The following CABLES2 variants were observed in gnomAD, a reference collection of about 807,000 sequenced individuals.
CABLES2 encodes the protein CDK5 and ABL1 enzyme substrate 2.
CABLES2 carries 35 observed loss-of-function variants against 44.8 expected under a neutral mutation model. That is an observed-to-expected ratio of 0.78 (90% confidence interval 0.60 to 1.04). The LOEUF (loss-of-function observed/expected upper bound fraction) is 1.04. CABLES2 is among the 50% of genes least tolerant of loss of function. The pLI is 0.00. For synonymous variants in CABLES2, 282 were observed against 281.1 expected (o/e 1.00, Z -0.03); for missense variants, 566 against 615.7 (o/e 0.92, Z 0.85).
Position 62,392,451 on chromosome 20 carries a change from G to A in CABLES2, c.1029C>T (p.Asp343=), listed in dbSNP as rs371923026. The A allele has an allele frequency of 5.6e-6, 9 of 1,614,108 alleles. No homozygotes were observed. The highest frequency in any genetic ancestry group is 7.6e-6 in the Non-Finnish European group (9 of 1,179,986). Residue 343 remains aspartate (D), a synonymous_variant, in exon 8 of 10, where the codon GAC becomes GAT. Transcript: ENST00000279101. The part of the protein sequence containing the change: ...EYVKPSDLKK[D]MNETFREKFP... ...ACTTCTCCCTGAAGGTCTCGTTCAT[G>A]TCCTTTTTGAGGTCTGAGGGCTTCA...
intron 1 of CABLES2, among the ~76,000 whole-genome samples, chr20:62,398,243 A>G (rs1466416920): frequency 3.2e-4 from 17 of 53,556 alleles, no homozygotes; most frequent in East Asian, 1.2e-3. Context: ...GGTGGTGATG[A>G]TGGTGATGGT....
intron 1 of CABLES2, among the ~76,000 whole-genome samples, chr20:62,401,392 C>T (rs1483924526): frequency 6.6e-6 from 1 of 152,184 alleles, no homozygotes; most frequent in African/African-American, 2.4e-5. Flanking sequence ...CACGCATCAC[C>T]GCAGCAGGGC....
At chr20:62,397,826 G>C (rs1434483841) in intron 1 of CABLES2, among the ~76,000 whole-genome samples, 1 of 152,240 alleles carries the variant, frequency 6.6e-6, no homozygotes, top group African/African-American at 2.4e-5. Flanking sequence ...GGCGTGGCAC[G>C]TCTGAGGATC....
intron 1 of CABLES2, among the ~76,000 whole-genome samples, chr20:62,398,100 GTGGTGATGGTGGTGGTGGTGGTGGTTA>G (rs1988089139): frequency 7.2e-6 from 1 of 139,526 alleles, no homozygotes; most frequent in Non-Finnish European, 1.6e-5. Flanking sequence ...GGTGGTGGTG[GTGGTGATGGTGGTGGTGGTGGTGGTTA>G]TGACGGTGGT....
At position 62,391,212 on chromosome 20, in the gene CABLES2, GA is replaced by G; in HGVS notation, c.1296+36del. 1.2e-6 allele frequency: 2 copies of G among 1,602,984 alleles called. No individual in the cohort carries two copies. Among genetic ancestry groups the G allele is most frequent in the Non-Finnish European group, 1.7e-6 (2 of 1,172,776 alleles). On this transcript the variant is annotated intron_variant, in intron 9 of 9. Transcript: ENST00000279101. The surrounding 1 kb of genome is among the most constrained non-coding windows in gnomAD (Gnocchi z 5.7). The stretch of plus-strand genomic sequence containing the variant: ...AGCAGTGGCCCTGGCTCGATGTCAT[GA>G]CCCTGCCTGCAGTGCCTGCCGAGCC...
At position 62,391,243 on chromosome 20, in the gene CABLES2, A is replaced by G. The variant is rs1987910667; in HGVS notation, c.1296+6T>C. On this transcript the variant is annotated splice_donor_region_variant and intron_variant, in intron 9 of 9. Coordinates refer to ENST00000279101, the MANE Select transcript of CABLES2 (RefSeq NM_031215.3). This position sits in a 1 kb window ranked among gnomAD's most constrained non-coding sequence, Gnocchi z 5.7. ...GCCTGCAGTGCCTGCCGAGCCGGGC[A>G]CTCACATCGATGAGCTGCGTCACGC... 6.2e-7 allele frequency: 1 copy of G among 1,605,172 alleles called. No homozygotes were observed. Among genetic ancestry groups the G allele is most frequent in the Non-Finnish European group, 8.5e-7 (1 of 1,174,160 alleles).
Position 62,392,992 on chromosome 20 carries a change from G to C in CABLES2, c.912C>G (p.Asn304Lys). The change falls in exon 7 of 10, where the codon AAC becomes AAG. Residue 304 changes from asparagine (N) to lysine (K), a missense_variant. Physicochemically the swap from Asn to Lys is moderately conservative, Grantham distance 94. Around this residue, in one of 2 missense-constraint regions of CABLES2, gnomAD observed 436 missense variants for 536.3 expected, o/e 0.81. Coordinates refer to ENST00000279101, the MANE Select transcript of CABLES2 (RefSeq NM_031215.3). ...ACTGCGGGTCATCCAGGAGGTTGGGGTTGTACTCCAGGGTGTCCCCCACGT... is the reference window on the plus strand; with the variant it reads ...ACTGCGGGTCATCCAGGAGGTTGGGCTTGTACTCCAGGGTGTCCCCCACGT... ...GSDVGDTLEY[N>K]PNLLDDPQWP... is the part of the protein sequence containing the mutation. 1 of 1,614,032 alleles carries C rather than the reference G, an allele frequency of 6.2e-7. No homozygotes were observed. Among genetic ancestry groups the C allele is most frequent in the Non-Finnish European group, 8.5e-7 (1 of 1,180,000 alleles).
intron 4 of CABLES2, 56 bp from the exon 5 acceptor site, chr20:62,394,321 A>AG: frequency 6.9e-7 from 1 of 1,443,712 alleles, no homozygotes; most frequent in South Asian, 1.1e-5. Context: ...AGGCTCTGGC[A>AG]GCCCAGCCCA....
Position 62,391,444 on chromosome 20 carries a change from C to T in CABLES2, c.1101G>A (p.Arg367=), listed in dbSNP as rs771903459. The T allele has an allele frequency of 3.1e-6, 5 of 1,613,082 alleles. No individual in the cohort carries two copies. The highest frequency in any genetic ancestry group is 1.1e-5 in the South Asian group (1 of 91,080). Residue 367 remains arginine (R), a synonymous_variant, in exon 9 of 10, where the codon CGG becomes CGA. Coordinates refer to ENST00000279101, the MANE Select transcript of CABLES2 (RefSeq NM_031215.3). The surrounding 1 kb of genome is among the most constrained non-coding windows in gnomAD (Gnocchi z 5.7). ...ACTCCTCCGACAGGCTCCGCATCTC[C>T]CGCTTTAAGCTGTGGGTTAAGACAG... ...LTLSKIRSLK[R]EMRSLSEECS...
In CABLES2 at chr20:62,391,483, G is replaced by A. The variant is rs1987918119; in HGVS notation, c.1092-30C>T. ...GGGTTAAGACAGAAGCCATGTCCCT[G>A]GGGGCTCTGGCTGGGGCTGAGGAGG... On this transcript the variant is annotated intron_variant, in intron 8 of 9. Coordinates refer to ENST00000279101, the MANE Select transcript of CABLES2 (RefSeq NM_031215.3). This position sits in a 1 kb window ranked among gnomAD's most constrained non-coding sequence, Gnocchi z 5.7. The A allele has an allele frequency of 1.2e-6, 2 of 1,606,040 alleles. No homozygotes were observed. Among genetic ancestry groups the A allele is most frequent in the East Asian group, 2.2e-5 (1 of 44,720 alleles).
Position 62,393,506 on chromosome 20 carries a change from G to C in CABLES2, c.814C>G (p.Arg272Gly), listed in dbSNP as rs757627316. Residue 272 changes from arginine to glycine, a missense_variant, in exon 6 of 10, where the codon CGG becomes GGG. Physicochemically the swap from Arg to Gly is moderately radical, Grantham distance 125. Around this residue, in one of 2 missense-constraint regions of CABLES2, gnomAD observed 436 missense variants for 536.3 expected, o/e 0.81. Transcript: ENST00000279101. ...TTATGTCTTGACCCTGGCAGAGTCC[G>C]GGGGACACTGGGCCGAGGTGTGGGC... ...LLPTPRPSVP[R>G]TLPGSRHKPA... The C allele has an allele frequency of 6.8e-6, 11 of 1,613,382 alleles. No individual in the cohort carries two copies. The highest frequency in any genetic ancestry group is 1.7e-5 in the Admixed American group (1 of 59,946).
chr20:62,394,810 GC>G (rs1216342503), intron 4 of CABLES2, 126 bp downstream of exon 4: 1 of 784,758 alleles, frequency 1.3e-6, no homozygotes, highest in East Asian at 2.8e-5. Context: ...GCTGAGCCTC[GC>G]ATGAGCCCGG....
intron 7 of CABLES2, 116 bp from the exon 8 acceptor site, chr20:62,392,611 C>CT: frequency 1.3e-6 from 1 of 772,726 alleles, no homozygotes; most frequent in East Asian, 2.5e-5. Context: ...TACGGTGTGG[C>CT]TTGAGAGGCC....
intron 6 of CABLES2, 128 bp from the exon 7 acceptor site, chr20:62,393,151 T>C (rs1220283391): frequency 1.5e-5 from 13 of 844,130 alleles, no homozygotes; most frequent in Non-Finnish European, 2.1e-5. Flanking sequence ...CATGGTTCTC[T>C]CCTGAAGGGC....
rs1284845582 is a variant in CABLES2, at chr20:62,398,292, TGGC to T, written c.363-1703_363-1701del. 6.3e-5 allele frequency among the ~76,000 whole-genome samples: 9 copies of T among 142,760 alleles called. No homozygotes were observed. The East Asian group carries it at 1.4e-3, about 23-fold the overall frequency. The allele number at this position is 142,760 out of a possible 152,430, so 93.7% of individuals were successfully genotyped here. On this transcript the variant is annotated intron_variant, in intron 1 of 9. Transcript: ENST00000279101. ...ATGGCGGTGGTGGTGGTGGTGATGG[TGGC>T]GATGGTGATGACGGTGGTGATGGCA...
chr20:62,398,300 G>A (rs1289371696), intron 1 of CABLES2, among the ~76,000 whole-genome samples: 3 of 148,132 alleles, frequency 2.0e-5, no homozygotes, highest in African/African-American at 7.6e-5. Flanking sequence ...GGTGGCGATG[G>A]TGATGACGGT....
intron 1 of CABLES2, among the ~76,000 whole-genome samples, chr20:62,398,187 A>ATGGTGATGGTGG (rs1988106654): frequency 1.1e-5 from 1 of 92,660 alleles, no homozygotes; most frequent in South Asian, 4.4e-4. Flanking sequence ...GGTGGTGGTG[A>ATGGTGATGGTGG]TGGTGATGAT....
At chr20:62,400,439 C>G (rs1988167959) in intron 1 of CABLES2, among the ~76,000 whole-genome samples, 1 of 152,086 alleles carries the variant, frequency 6.6e-6, no homozygotes, top group East Asian at 1.9e-4. Flanking sequence ...CAGACTGCCC[C>G]AAGAGGAGCC....
At chr20:62,397,894 CGGTGGT>C (rs1444140995) in intron 1 of CABLES2, among the ~76,000 whole-genome samples, 1 of 133,218 alleles carries the variant, frequency 7.5e-6, no homozygotes, top group African/African-American at 2.5e-5. Flanking sequence ...GTGGTGATGG[CGGTGGT>C]GGTGATGGTG....
Sources: gnomAD v4.1 joint callset for allele counts (sites outside exome capture counted in the v4.1 genomes callset) on GRCh38, gnomAD v4.1.1 for gene constraint, gnomAD v4.1.1 regional missense constraint, Gnocchi (gnomAD v3.1) non-coding constraint, MANE v1.5 for transcripts, NCBI Gene and HGNC (gene_info 2026-07-23, HGNC 2026-07-21) for gene names.